CSMD1: variants seen among roughly 807,000 people sequenced by gnomAD.
The protein encoded by CSMD1 is CUB and sushi domain-containing protein 1.
CSMD1 carries 213 observed loss-of-function variants against 417.5 expected under a neutral mutation model. The ratio of observed to expected loss-of-function variants is 0.51; its 90% CI spans 0.46 to 0.57. CSMD1 has a LOEUF of 0.57. Ranked by LOEUF, CSMD1 falls within the 20% of genes least tolerant of loss-of-function variation. The pLI is 0.00. For missense variants in CSMD1, 6,923 were observed against 4,529.7 expected (o/e 1.53, Z -15.17); for synonymous variants, 2,862 against 1,736.8 (o/e 1.65, Z -16.11).
At chr8:3,693,259 T>C (rs899486218) in intron 7 of CSMD1, among the ~76,000 whole-genome samples, 2 of 152,184 alleles carry the variant, frequency 1.3e-5, no homozygotes, top group African/African-American at 2.4e-5. Flanking sequence ...TATAACCAAG[T>C]AGGATGCAAG....
chr8:4,758,355 T>C (rs1811806524), intron 1 of CSMD1, among the ~76,000 whole-genome samples: 1 of 152,202 alleles, frequency 6.6e-6, no homozygotes, highest in Non-Finnish European at 1.5e-5. Context: ...TTTGCCTCTA[T>C]GTATTATGCA....
chr8:4,838,704 A>G (rs1792045376), intron 1 of CSMD1, among the ~76,000 whole-genome samples: 1 of 152,224 alleles, frequency 6.6e-6, no homozygotes, highest in African/African-American at 2.4e-5. Context: ...TGCAGAGGAC[A>G]CTTGCCCAAG....
chr8:3,793,810 G>T (rs1585007609), intron 5 of CSMD1, among the ~76,000 whole-genome samples: 1 of 152,108 alleles, frequency 6.6e-6, no homozygotes, highest in African/African-American at 2.4e-5. Context: ...TATGCCCCAG[G>T]GCACTAAATG....
At chr8:4,343,430 A>T (rs983117202) in intron 3 of CSMD1, among the ~76,000 whole-genome samples, 2 of 152,102 alleles carry the variant, frequency 1.3e-5, no homozygotes, top group African/African-American at 4.8e-5. Context: ...AAATTATTAA[A>T]AATGGTCACT....
At chr8:3,029,542 A>AT in intron 50 of CSMD1, 29 bp from the exon 51 acceptor site, 1 of 1,550,430 alleles carries the variant, frequency 6.4e-7, no homozygotes, top group Non-Finnish European at 8.7e-7. Flanking sequence ...TCACATCATC[A>AT]TTTTTCTTTT....
At chr8:3,166,082 G>GC (rs1449051133) in intron 37 of CSMD1, among the ~76,000 whole-genome samples, 1 of 152,026 alleles carries the variant, frequency 6.6e-6, no homozygotes, top group Non-Finnish European at 1.5e-5. Context: ...TAGGAAGTAG[G>GC]CAGGGTGGTG....
intron 36 of CSMD1, among the ~76,000 whole-genome samples, chr8:3,185,995 T>C (rs765266830): frequency 6.6e-6 from 1 of 152,156 alleles, no homozygotes; most frequent in Non-Finnish European, 1.5e-5. Flanking sequence ...TTAAGATATT[T>C]TAATTTATTT....
intron 23 of CSMD1, among the ~76,000 whole-genome samples, chr8:3,316,292 C>G (rs1403457916): frequency 6.6e-6 from 1 of 151,888 alleles, no homozygotes; most frequent in African/African-American, 2.4e-5. Flanking sequence ...TAATTACTTG[C>G]CAATAAAAAT....
intron 10 of CSMD1, among the ~76,000 whole-genome samples, chr8:3,559,183 G>A (rs545144372): frequency 6.6e-6 from 1 of 152,176 alleles, no homozygotes; most frequent in African/African-American, 2.4e-5. Context: ...TTAGCATATG[G>A]TATGTGTTTG....
At chr8:4,777,187 G>C (rs181425122) in intron 1 of CSMD1, among the ~76,000 whole-genome samples, 1 of 152,288 alleles carries the variant, frequency 6.6e-6, no homozygotes, top group Admixed American at 6.5e-5. Flanking sequence ...GTTTTACCTT[G>C]TGGTTGTTAT....
chr8:3,567,329 A>G (rs1799756699), intron 10 of CSMD1, among the ~76,000 whole-genome samples: 1 of 152,098 alleles, frequency 6.6e-6, no homozygotes, highest in Non-Finnish European at 1.5e-5. Context: ...ACTGGGCTTA[A>G]TACCTGGGTG....
chr8:4,135,946 C>G (rs1405833433), intron 3 of CSMD1, among the ~76,000 whole-genome samples: 2 of 152,074 alleles, frequency 1.3e-5, no homozygotes, highest in East Asian at 1.9e-4. Context: ...GCTTTCTAAA[C>G]TATTGGTGTT....
chr8:4,773,162 G>T (rs1263681036), intron 1 of CSMD1, among the ~76,000 whole-genome samples: 1 of 152,118 alleles, frequency 6.6e-6, no homozygotes, highest in Non-Finnish European at 1.5e-5. Flanking sequence ...TCAGAAATCT[G>T]AAATGTTCCT....
chr8:3,241,262 GT>G (rs1297139633), intron 26 of CSMD1, among the ~76,000 whole-genome samples: 4 of 150,444 alleles, frequency 2.7e-5, no homozygotes, highest in Non-Finnish European at 5.9e-5. Flanking sequence ...TGGCACCAGA[GT>G]TGGGGAGTTT....
In CSMD1 at chr8:3,255,092, C is replaced by A. The variant is rs552706991; in HGVS notation, c.4154-24861G>T. On this transcript the variant is annotated intron_variant, in intron 26 of 69. Transcript: ENST00000635120. Reference sequence around the variant, plus strand: ...GTTTGTTAGTTTTCATTGTAACAGTCAGGACCCTCAGCTGCCGGTCTCTTG... The same window carrying A: ...GTTTGTTAGTTTTCATTGTAACAGTAAGGACCCTCAGCTGCCGGTCTCTTG... Among the ~76,000 whole-genome samples, 465 of 152,302 alleles carry A rather than the reference C, an allele frequency of 3.1e-3. 3 individuals are homozygous for A. The highest frequency in any genetic ancestry group is 3.7e-3 in the Non-Finnish European group (252 of 68,016).
chr8:3,490,691 G>A (rs1219089525), intron 11 of CSMD1, among the ~76,000 whole-genome samples: 1 of 152,092 alleles, frequency 6.6e-6, no homozygotes, highest in African/African-American at 2.4e-5. Context: ...ATAGCAAATA[G>A]CTGGAGCCAG....
intron 25 of CSMD1, among the ~76,000 whole-genome samples, chr8:3,292,535 G>A (rs987447691): frequency 2.0e-5 from 3 of 152,144 alleles, no homozygotes; most frequent in African/African-American, 4.8e-5. Flanking sequence ...TATATATTTA[G>A]GAGAGCTAGC....
chr8:4,321,300 C>G (rs1459423384), intron 3 of CSMD1, among the ~76,000 whole-genome samples: 1 of 152,132 alleles, frequency 6.6e-6, no homozygotes, highest in African/African-American at 2.4e-5. Flanking sequence ...CTGACCCAGT[C>G]TCTTGCCTAT....
chr8:3,390,268 A>G (rs922529566), intron 17 of CSMD1, among the ~76,000 whole-genome samples: 2 of 149,230 alleles, frequency 1.3e-5, no homozygotes, highest in African/African-American at 4.9e-5. Flanking sequence ...GTCAGGAGAA[A>G]CGCTTGAACT....
Sources: gnomAD v4.1 joint callset for allele counts (sites outside exome capture counted in the v4.1 genomes callset) on GRCh38, gnomAD v4.1.1 for gene constraint, MANE v1.5 for transcripts, NCBI Gene and HGNC (gene_info 2026-07-23, HGNC 2026-07-21) for gene names.